Variants in FANCA observed in about 807,000 individuals in gnomAD.
The protein encoded by FANCA is Fanconi anemia group A protein.
Under a neutral mutation model 194.3 loss-of-function variants are expected in FANCA, and 236 were observed. That is an observed-to-expected ratio of 1.21 (90% CI 1.09 to 1.35). FANCA has a LOEUF of 1.35. Ranked by LOEUF, FANCA falls within the 40% of genes most tolerant of loss-of-function variation. FANCA has a pLI of 0.00. For synonymous variants in FANCA, 1,014 were observed against 715.8 expected, an observed-to-expected ratio of 1.42 and a Z score of -6.65; for missense variants, 2,628 against 1,813.9, an observed-to-expected ratio of 1.45 and a Z score of -8.15.
intron 29 of FANCA, 24 bp from the exon 30 acceptor site, chr16:89,758,729 A>C (rs1480742710): frequency 6.2e-7 from 1 of 1,612,154 alleles, no homozygotes; most frequent in African/African-American, 1.3e-5. Flanking sequence ...CACTGCTATC[A>C]ATTCTGAGAA....
intron 30 of FANCA, among the ~76,000 whole-genome samples, chr16:89,756,327 T>G (rs760139426): frequency 8.5e-5 from 13 of 152,182 alleles, no homozygotes; most frequent in African/African-American, 3.1e-4. Flanking sequence ...TAATACCCAC[T>G]AGGATGGCTA....
At chr16:89,809,197 G>A (rs970642728) in intron 5 of FANCA, among the ~76,000 whole-genome samples, 1 of 151,644 alleles carries the variant, frequency 6.6e-6, no homozygotes, top group African/African-American at 2.4e-5. Context: ...TGAGCCACTG[G>A]GCCCGGCCCC....
rs1157717956 is a variant in FANCA at position 89,740,848 on chromosome 16, AGAAAAG to A, written c.3778_3783del (p.Leu1260_Phe1261del). 2 of 1,613,538 alleles carry A rather than the reference AGAAAAG, an allele frequency of 1.2e-6. No homozygotes were observed. The highest frequency in any genetic ancestry group is 1.7e-5 in the Admixed American group (1 of 59,962). ...GACAGCAGGCCCATCAAGGAGAAGA[AGAAAAG>A]GAAAACCAATAGCTGTAAATAAAAA... On this transcript the variant is annotated inframe_deletion, in exon 38 of 43. Transcript: ENST00000389301.
At chr16:89,812,662 A>AAC (rs1567655759) in intron 3 of FANCA, among the ~76,000 whole-genome samples, 17 of 150,800 alleles carry the variant, frequency 1.1e-4, no homozygotes, top group African/African-American at 2.7e-4. Flanking sequence ...AAAAAAAAAA[A>AAC]AAAAAAAACT....
rs71391246 is a variant in FANCA at position 89,810,322 on chromosome 16, CAA to C, written c.522+383_522+384del. Among the ~76,000 whole-genome samples, 49 of 84,908 alleles carry C rather than the reference CAA, an allele frequency of 5.8e-4. No individual in the cohort carries two copies. The East Asian group carries it at 8.4e-3, about 15-fold the overall frequency. 55.7% of individuals were successfully genotyped at this position (84,908 alleles called of 152,430 possible). A position where few individuals can be genotyped will look rare whatever the true frequency, so the allele number is the denominator to read the frequency against. ...TGTGCGACAGAGCGAGACTTCGTCT[CAA>C]AAAAAAAAAAAAAAGACCAGCCTGG... On this transcript the variant is annotated intron_variant, in intron 5 of 42. Coordinates refer to ENST00000389301, the MANE Select transcript of FANCA (RefSeq NM_000135.4).
chr16:89,765,078 A>G lies in FANCA; in HGVS notation c.2602-12T>C. ...ATGAGGAACTGAAACTGAAACAGAG[A>G]GTGACCCGGCCGTTTCTTCATTGCG... is the stretch of plus-strand genomic sequence containing the variant. On this transcript the variant is annotated splice_polypyrimidine_tract_variant and intron_variant, in intron 27 of 42. Transcript: ENST00000389301. 6.2e-7 allele frequency: 1 copy of G among 1,613,750 alleles called. No homozygotes were observed. The highest frequency in any genetic ancestry group is 8.5e-7 in the Non-Finnish European group (1 of 1,179,720).
chr16:89,771,897 T>C, intron 22 of FANCA, 83 bp from the exon 23 acceptor site: 1 of 1,507,454 alleles, frequency 6.6e-7, no homozygotes, highest in Non-Finnish European at 9.2e-7. Context: ...CCGCCTCCCG[T>C]CAAGTACGAT....
In FANCA at chr16:89,739,751, G is replaced by T. The variant is rs56272457; in HGVS notation, c.3935-198C>A. 5.4e-5 allele frequency: 81 copies of T among 1,486,964 alleles called. No individual in the cohort carries two copies. The East Asian group carries it at 5.7e-4, about 10-fold the overall frequency. 92.1% of individuals were successfully genotyped at this position (1,486,964 alleles called of 1,614,324 possible). On this transcript the variant is annotated intron_variant, in intron 39 of 42. Transcript: ENST00000389301. Reference sequence around the variant, plus strand: ...ATGGGGGGGTCGACCTCTTGCAGGAGGGTGGGTGTGGTGCAGAGAGAGGCA... The same window carrying T: ...ATGGGGGGGTCGACCTCTTGCAGGATGGTGGGTGTGGTGCAGAGAGAGGCA...
At chr16:89,771,882 G>C (rs1169387167) in intron 22 of FANCA, 68 bp from the exon 23 acceptor site, 2 of 1,579,580 alleles carry the variant, frequency 1.3e-6, no homozygotes, top group East Asian at 2.2e-5. Flanking sequence ...GCGGCCTAGA[G>C]AGCTCCGCCT....
chr16:89,797,280 G>A (rs970555426), intron 10 of FANCA, among the ~76,000 whole-genome samples: 3 of 152,128 alleles, frequency 2.0e-5, no homozygotes, highest in South Asian at 2.1e-4. Flanking sequence ...GTAGTAAACC[G>A]AGATCGTGCC....
chr16:89,816,394 C>A, intron 1 of FANCA, 143 bp downstream of exon 1: 1 of 616,366 alleles, frequency 1.6e-6, no homozygotes, highest in Non-Finnish European at 2.3e-6. Context: ...CCGCCCCAGC[C>A]GGGCGCCCAC....
At chr16:89,774,990 A>T (rs2039453180) in intron 21 of FANCA, among the ~76,000 whole-genome samples, 1 of 151,770 alleles carries the variant, frequency 6.6e-6, no homozygotes, top group Non-Finnish European at 1.5e-5. Flanking sequence ...GCTATTACAG[A>T]GGCTGAGGCA....
rs142849661 is a variant in FANCA, at chr16:89,763,309, C to G, written c.2779-1287G>C. Among the ~76,000 whole-genome samples the G allele has an allele frequency of 3.5e-3, 529 of 152,114 alleles. 5 individuals are homozygous for G. The highest frequency in any genetic ancestry group is 0.012 in the African/African-American group (493 of 41,506). ...TTTCACAAAAGGCTTGGCACAGTGG[C>G]TCACACTTGCAATCTCAACATATTG... On this transcript the variant is annotated intron_variant, in intron 28 of 42. Coordinates refer to ENST00000389301, the MANE Select transcript of FANCA (RefSeq NM_000135.4).
Position 89,750,501 on chromosome 16 carries a change from A to AAAAAAAAAAAAAAAAAC in FANCA, c.3067-600_3067-599insGTTTTTTTTTTTTTTTT, listed in dbSNP as rs1289505609. On this transcript the variant is annotated intron_variant, in intron 31 of 42. Coordinates refer to ENST00000389301, the MANE Select transcript of FANCA (RefSeq NM_000135.4). Reference sequence around the variant, plus strand: ...CCGTCTCAAAAAAAAACAAACAAAAAAAAACAGCCAGGTATGGTGGCTCAC... The same window carrying AAAAAAAAAAAAAAAAAC: ...CCGTCTCAAAAAAAAACAAACAAAAAAAAAAAAAAAAAAAAACAAAACAGCCAGGTATGGTGGCTCAC... 2.7e-5 allele frequency among the ~76,000 whole-genome samples: 4 copies of AAAAAAAAAAAAAAAAAC among 145,696 alleles called. 1 individual carries two copies. Among genetic ancestry groups the AAAAAAAAAAAAAAAAAC allele is most frequent in the Non-Finnish European group, 1.5e-5 (1 of 64,628 alleles).
Position 89,815,888 on chromosome 16 carries a change from G to A in FANCA, c.178C>T (p.Leu60Phe), listed in dbSNP as rs1060501885. 2 of 1,612,848 alleles carry A rather than the reference G, an allele frequency of 1.2e-6. No individual in the cohort carries two copies. The highest frequency in any genetic ancestry group is 1.3e-5 in the African/African-American group (1 of 74,902). The change falls in exon 2 of 43, where the codon CTT becomes TTT. Residue 60 changes from leucine to phenylalanine, a missense_variant. Coordinates refer to ENST00000389301, the MANE Select transcript of FANCA (RefSeq NM_000135.4). ...LLRSHQDLNA[L>F]LLEVEGPLCK... Reference sequence around the variant, plus strand: ...CAGCTTCCTCTTACCTCAAGCAAAAGGGCATTCAGGTCCTGATGGCTTCGC... The same window carrying A: ...CAGCTTCCTCTTACCTCAAGCAAAAAGGCATTCAGGTCCTGATGGCTTCGC...
Position 89,765,016 on chromosome 16 carries a change from A to G in FANCA, c.2652T>C (p.Ser884=). Residue 884 remains serine, a synonymous_variant, in exon 28 of 43, where the codon TCT becomes TCC. Coordinates refer to ENST00000389301, the MANE Select transcript of FANCA (RefSeq NM_000135.4). The part of the protein sequence containing the change: ...RLFSEARQPL[S]EEDVASLSWR... ...AGGAAAGGCTGGCTACGTCCTCCTCAGAAAGAGGCTGTCGGGCCTCTGAGA... is the reference window on the plus strand; with the variant it reads ...AGGAAAGGCTGGCTACGTCCTCCTCGGAAAGAGGCTGTCGGGCCTCTGAGA... 6.2e-7 allele frequency: 1 copy of G among 1,614,252 alleles called. No individual in the cohort carries two copies. The highest frequency in any genetic ancestry group is 1.6e-4 in the Middle Eastern group (1 of 6,062).
chr16:89,814,543 G>A lies in FANCA; in HGVS notation c.260C>T (p.Ala87Val), dbSNP rs758619078. Reference sequence around the variant, plus strand: ...ACCTATAAATGAACTAGAATGATTAGCATAGGCCTCAGAACTGTCACAGTC... The same window carrying A: ...ACCTATAAATGAACTAGAATGATTAACATAGGCCTCAGAACTGTCACAGTC... ...VIDCDSSEAY[A>V]NHSSSFIGSA... is the part of the protein sequence containing the mutation. Residue 87 changes from alanine to valine, a missense_variant, in exon 3 of 43, where the codon GCT becomes GTT. By Grantham distance (64) the Ala-to-Val change is moderately conservative. Coordinates refer to ENST00000389301, the MANE Select transcript of FANCA (RefSeq NM_000135.4). 6.2e-7 allele frequency: 1 copy of A among 1,612,998 alleles called. No individual in the cohort carries two copies. The highest frequency in any genetic ancestry group is 1.7e-5 in the Admixed American group (1 of 60,022).
intron 8 of FANCA, among the ~76,000 whole-genome samples, chr16:89,802,760 G>A (rs1248988760): frequency 6.6e-6 from 1 of 152,092 alleles, no homozygotes; most frequent in Non-Finnish European, 1.5e-5. Context: ...GAATGCAACT[G>A]AAGGCCATTA....
At chr16:89,761,624 G>C (rs1478513810) in intron 29 of FANCA, among the ~76,000 whole-genome samples, 1 of 151,848 alleles carries the variant, frequency 6.6e-6, no homozygotes, top group Admixed American at 6.6e-5. Flanking sequence ...CATTTTAAAG[G>C]GAAGCTCCTT....
Sources: allele counts gnomAD v4.1 joint callset (sites outside exome capture counted in the v4.1 genomes callset), GRCh38; gene constraint gnomAD v4.1.1; transcripts MANE v1.5; gene names NCBI Gene and HGNC (gene_info 2026-07-23, HGNC 2026-07-21).